The following TMCO5A variants were observed in gnomAD, a reference collection of about 807,000 sequenced individuals.
The protein encoded by TMCO5A is transmembrane and coiled-coil domain-containing protein 5A.
A neutral mutation model predicts 42.3 loss-of-function variants in TMCO5A; 34 were observed. The ratio of observed to expected loss-of-function variants is 0.80; its 90% CI spans 0.61 to 1.07. The LOEUF (loss-of-function observed/expected upper bound fraction) is 1.07, where lower values mean the gene tolerates loss of function less well. Among genes scored for constraint, TMCO5A ranks in the 50% least tolerant of loss-of-function variants. The pLI is 0.00. For synonymous variants in TMCO5A, 131 were observed against 115.6 expected (o/e 1.13, Z -0.86); for missense variants, 357 against 327.9 (o/e 1.09, Z -0.69).
chr15:38,026,939 C>T, the TMCO5A span, among the ~76,000 whole-genome samples: 3,341 of 152,220 alleles, frequency 0.022, 144 homozygotes, highest in African/African-American at 0.077. Flanking sequence ...TGGGAACCTC[C>T]GCCTAGATTT....
the TMCO5A span, among the ~76,000 whole-genome samples, chr15:38,025,301 G>A: frequency 2.0e-5 from 3 of 152,046 alleles, no homozygotes; most frequent in African/African-American, 7.2e-5. Flanking sequence ...CTTTTGGCTA[G>A]ACAGAGTAAC....
chr15:38,015,220 C>G, the TMCO5A span, among the ~76,000 whole-genome samples: 2 of 152,056 alleles, frequency 1.3e-5, no homozygotes, highest in African/African-American at 4.8e-5. Flanking sequence ...CACCCAGGAT[C>G]AATGCTTTGC....
At chr15:37,941,331 G>A (rs1016958006) in intron 7 of TMCO5A, 126 bp downstream of exon 7, 6 of 954,846 alleles carry the variant, frequency 6.3e-6, no homozygotes, top group Non-Finnish European at 9.6e-6. Flanking sequence ...ATGGGGCTAG[G>A]GAGGGGTAAA....
At chr15:37,973,692 T>C in the TMCO5A span, among the ~76,000 whole-genome samples, 1 of 152,178 alleles carries the variant, frequency 6.6e-6, no homozygotes, top group East Asian at 1.9e-4. Flanking sequence ...TTTCCAGATA[T>C]AGAATTATTT....
the TMCO5A span, among the ~76,000 whole-genome samples, chr15:38,031,117 G>A: frequency 6.6e-6 from 1 of 152,136 alleles, no homozygotes; most frequent in Non-Finnish European, 1.5e-5. Flanking sequence ...TAGAAATGAA[G>A]TCATGCCTCC....
intron 11 of TMCO5A, among the ~76,000 whole-genome samples, chr15:37,960,804 T>C (rs893166490): frequency 5.3e-5 from 8 of 152,206 alleles, no homozygotes; most frequent in Admixed American, 5.2e-4. Flanking sequence ...TTTTTTCATA[T>C]GTTTGTTGGT....
At chr15:37,995,248 T>G in the TMCO5A span, among the ~76,000 whole-genome samples, 1 of 152,148 alleles carries the variant, frequency 6.6e-6, no homozygotes, top group Non-Finnish European at 1.5e-5. Flanking sequence ...AAAATCTTTC[T>G]CCTGTCTTTG....
At chr15:37,941,098 C>T (rs750203234) in intron 6 of TMCO5A, 51 bp from the exon 7 acceptor site, 2 of 1,580,676 alleles carry the variant, frequency 1.3e-6, no homozygotes, top group Non-Finnish European at 1.7e-6. Context: ...GCATTCCATT[C>T]CTGCACAGCT....
chr15:37,953,077 T>A (rs1890199978), downstream of TMCO5A, among the ~76,000 whole-genome samples: 1 of 152,226 alleles, frequency 6.6e-6, no homozygotes, highest in African/African-American at 2.4e-5. Context: ...CTTCTAAAGC[T>A]CTTGACTCTA....
chr15:37,950,844 G>A (rs554324084), intron 11 of TMCO5A, among the ~76,000 whole-genome samples, 192 bp from the exon 12 acceptor site: 14 of 152,202 alleles, frequency 9.2e-5, no homozygotes, highest in African/African-American at 3.4e-4. Context: ...ATAAAACACG[G>A]TAATGGACAG....
downstream of TMCO5A, among the ~76,000 whole-genome samples, chr15:37,951,911 G>A (rs1305079998): frequency 6.6e-6 from 1 of 152,074 alleles, no homozygotes; most frequent in Non-Finnish European, 1.5e-5. Context: ...TCCTCCAGCA[G>A]CAAGGGTGTG....
chr15:38,001,048 C>T, the TMCO5A span, among the ~76,000 whole-genome samples: 6 of 151,998 alleles, frequency 3.9e-5, no homozygotes, highest in Non-Finnish European at 8.8e-5. Flanking sequence ...TCAGATGTTT[C>T]TTTGTTGCTT....
chr15:38,019,433 T>A, the TMCO5A span, among the ~76,000 whole-genome samples: 2 of 152,188 alleles, frequency 1.3e-5, no homozygotes, highest in Admixed American at 6.6e-5. Context: ...GGTCAGTTTA[T>A]CAGAAGTTTC....
At chr15:37,966,558 G>A in intron 11 of TMCO5A, 1 of 702,602 alleles carries the variant, frequency 1.4e-6, no homozygotes, top group Non-Finnish European at 2.6e-6. Context: ...GGGGCTTTAG[G>A]CAAGGCTACA....
At chr15:37,947,773 T>C in intron 11 of TMCO5A, 77 bp downstream of exon 11, 1 of 988,166 alleles carries the variant, frequency 1.0e-6, no homozygotes, top group Non-Finnish European at 1.6e-6. Context: ...GGGAAAAGTC[T>C]AGACAAGGAG....
the TMCO5A span, among the ~76,000 whole-genome samples, chr15:38,021,597 G>A: frequency 6.6e-6 from 1 of 152,236 alleles, no homozygotes; most frequent in South Asian, 2.1e-4. Context: ...AGGAAAGGGA[G>A]ACTAGGTTTT....
intron 11 of TMCO5A, among the ~76,000 whole-genome samples, chr15:37,958,160 C>T (rs916113813): frequency 6.6e-6 from 1 of 152,106 alleles, no homozygotes; most frequent in Admixed American, 6.6e-5. Context: ...TAGGCAATAC[C>T]ATTTAGGACA....
rs190200398 is a variant in TMCO5A at position 37,963,344 on chromosome 15, G to A, written c.669-3281G>A. ...TTCAGGAGCAGGTTATATTATGTCC[G>A]TGTATTTGCATGGTTTTGAAGGTTC... On this transcript the variant is annotated intron_variant, in intron 11 of 11. Transcript: ENST00000559502. Among the ~76,000 whole-genome samples the A allele has an allele frequency of 1.2e-4, 19 of 152,124 alleles. No homozygotes were observed. In the East Asian group the frequency reaches 2.3e-3, roughly 19 times the overall value.
At chr15:37,986,946 G>A in the TMCO5A span, among the ~76,000 whole-genome samples, 1 of 152,116 alleles carries the variant, frequency 6.6e-6, no homozygotes, top group African/African-American at 2.4e-5. Flanking sequence ...TGAAACACAT[G>A]ATAATTCTAT....
Sources: gnomAD v4.1 joint callset for allele counts (sites outside exome capture counted in the v4.1 genomes callset) on GRCh38, gnomAD v4.1.1 for gene constraint, MANE v1.5 for transcripts, NCBI Gene and HGNC (gene_info 2026-07-23, HGNC 2026-07-21) for gene names.